ACAP2: variants seen among roughly 807,000 people sequenced by gnomAD.
ACAP2 encodes ArfGAP with coiled-coil, ankyrin repeat and PH domains 2.
A neutral mutation model predicts 115.8 loss-of-function variants in ACAP2; 39 were observed. The observed-to-expected ratio is 0.34, with a 90% CI of 0.26 to 0.44. ACAP2 has a LOEUF of 0.44. Ranked by LOEUF, ACAP2 falls within the 20% of genes least tolerant of loss-of-function variation. The pLI is 1.00. For synonymous variants in ACAP2, 289 were observed against 315.8 expected, an observed-to-expected ratio of 0.92 and a Z score of 0.90; for missense variants, 662 against 927.6, an observed-to-expected ratio of 0.71 and a Z score of 3.72.
At chr3:195,365,988 C>T (rs999446608) in intron 4 of ACAP2, among the ~76,000 whole-genome samples, 9 of 151,918 alleles carry the variant, frequency 5.9e-5, no homozygotes, top group South Asian at 2.1e-4. Context: ...ATTACAGGCA[C>T]GCGCCACCAC....
chr3:195,330,101 T>G (rs1284852871), intron 8 of ACAP2, among the ~76,000 whole-genome samples: 1 of 152,172 alleles, frequency 6.6e-6, no homozygotes, highest in Non-Finnish European at 1.5e-5. Flanking sequence ...CGCTACTGAT[T>G]CATTTAGTCT....
At chr3:195,291,188 C>G (rs1727232154) in intron 20 of ACAP2, among the ~76,000 whole-genome samples, 1 of 152,132 alleles carries the variant, frequency 6.6e-6, no homozygotes, top group Admixed American at 6.6e-5. Flanking sequence ...AATAGAAAGT[C>G]CATTTTCAAG....
chr3:195,317,997 G>T (rs1438721357), intron 10 of ACAP2, among the ~76,000 whole-genome samples: 3 of 152,180 alleles, frequency 2.0e-5, no homozygotes, highest in Non-Finnish European at 4.4e-5. Flanking sequence ...AGGTGACTGG[G>T]TCATGCAGGC....
At chr3:195,367,077 A>G (rs532818343) in intron 4 of ACAP2, among the ~76,000 whole-genome samples, 52 of 149,596 alleles carry the variant, frequency 3.5e-4, no homozygotes, top group African/African-American at 1.3e-3. Flanking sequence ...AAAAACGGCA[A>G]TGGGCTGGAT....
At chr3:195,442,144 A>AT (rs1237257275) in intron 1 of ACAP2, 2 of 152,470 alleles carry the variant, frequency 1.3e-5, no homozygotes, top group African/African-American at 4.8e-5. Flanking sequence ...AAAAGCAGGT[A>AT]GTCACCAACT....
At chr3:195,324,344 C>T (rs914583235) in intron 9 of ACAP2, among the ~76,000 whole-genome samples, 3 of 152,058 alleles carry the variant, frequency 2.0e-5, no homozygotes, top group Non-Finnish European at 2.9e-5. Flanking sequence ...ACAGGATATA[C>T]CACAGAGCAT....
chr3:195,401,478 A>G (rs1712289299), intron 1 of ACAP2, among the ~76,000 whole-genome samples: 3 of 152,168 alleles, frequency 2.0e-5, no homozygotes, highest in Admixed American at 2.0e-4. Flanking sequence ...CAGTCTGACC[A>G]ACGCAGTGAA....
chr3:195,324,136 T>C (rs113299998), intron 9 of ACAP2, among the ~76,000 whole-genome samples: 2 of 151,930 alleles, frequency 1.3e-5, no homozygotes, highest in Admixed American at 1.3e-4. Flanking sequence ...GGTGGGAAAA[T>C]GAGATAAAGA....
chr3:195,282,998 ACGACCTTAC>A (rs1282221022), intron 22 of ACAP2, among the ~76,000 whole-genome samples: 1 of 152,192 alleles, frequency 6.6e-6, no homozygotes, highest in Non-Finnish European at 1.5e-5. Context: ...CATCCTATGC[ACGACCTTAC>A]CCCTTCTGGG....
intron 1 of ACAP2, among the ~76,000 whole-genome samples, chr3:195,431,698 C>T (rs1211798206): frequency 6.6e-6 from 1 of 151,250 alleles, no homozygotes; most frequent in Non-Finnish European, 1.5e-5. Flanking sequence ...ACACTCGTCT[C>T]GGCCTCCCAA....
intron 1 of ACAP2, among the ~76,000 whole-genome samples, chr3:195,396,427 A>T (rs1711780360): frequency 6.6e-6 from 1 of 152,168 alleles, no homozygotes; most frequent in Non-Finnish European, 1.5e-5. Context: ...GTATACATTA[A>T]AATAACTAAA....
At chr3:195,408,847 A>G (rs1195328490) in intron 1 of ACAP2, among the ~76,000 whole-genome samples, 1 of 152,230 alleles carries the variant, frequency 6.6e-6, no homozygotes, top group African/African-American at 2.4e-5. Context: ...AAGGGAAAAA[A>G]ATCCATGATC....
intron 4 of ACAP2, among the ~76,000 whole-genome samples, chr3:195,366,345 C>A (rs1732722633): frequency 6.6e-6 from 1 of 152,166 alleles, no homozygotes; most frequent in South Asian, 2.1e-4. Context: ...ACATTGGTAC[C>A]AAACTGCTCT....
chr3:195,295,447 G>C (rs1727580035), intron 17 of ACAP2: 2 of 548,834 alleles, frequency 3.6e-6, no homozygotes, highest in Non-Finnish European at 6.2e-6. Flanking sequence ...TGAAATGTCA[G>C]GTTTATAATT....
At chr3:195,373,124 T>G (rs1265943833) in intron 4 of ACAP2, among the ~76,000 whole-genome samples, 2 of 151,858 alleles carry the variant, frequency 1.3e-5, no homozygotes, top group African/African-American at 4.8e-5. Flanking sequence ...CTACAAGATG[T>G]AAACTTACAT....
intron 18 of ACAP2, among the ~76,000 whole-genome samples, chr3:195,294,378 G>A (rs564754808): frequency 6.6e-6 from 1 of 151,312 alleles, no homozygotes; most frequent in African/African-American, 2.4e-5. Flanking sequence ...AGGAGTTCGA[G>A]ACCAGCCTGG....
Position 195,381,939 on chromosome 3 carries a change from G to A in ACAP2, c.195C>T (p.Asp65=). Residue 65 remains aspartate (D), a synonymous_variant, in exon 3 of 23, where the codon GAC becomes GAT. Coordinates refer to ENST00000326793, the MANE Select transcript of ACAP2 (RefSeq NM_012287.6). ...ANKQFMNGIR[D]LAQYSSNDAV... is the part of the protein sequence containing the mutation. Reference sequence around the variant, plus strand: ...CATCATTACTAGAATACTGAGCCAGGTCTCGAATCCCATTCATGAACTGTT... The same window carrying A: ...CATCATTACTAGAATACTGAGCCAGATCTCGAATCCCATTCATGAACTGTT... 6.2e-7 allele frequency: 1 copy of A among 1,611,306 alleles called. No individual in the cohort carries two copies. The highest frequency in any genetic ancestry group is 8.5e-7 in the Non-Finnish European group (1 of 1,179,200).
chr3:195,392,014 C>T (rs1734712972), intron 2 of ACAP2, 76 bp downstream of exon 2: 1 of 1,204,322 alleles, frequency 8.3e-7, no homozygotes, highest in South Asian at 1.3e-5. Flanking sequence ...AAAAAGAGAC[C>T]TACTACTGTA....
At chr3:195,395,261 AT>A (rs1230120049) in intron 1 of ACAP2, among the ~76,000 whole-genome samples, 1 of 152,210 alleles carries the variant, frequency 6.6e-6, no homozygotes, top group Non-Finnish European at 1.5e-5. Context: ...ATTTAAAAAA[AT>A]CAAGTTATAT....
Sources: allele counts gnomAD v4.1 joint callset (sites outside exome capture counted in the v4.1 genomes callset), GRCh38; gene constraint gnomAD v4.1.1; transcripts MANE v1.5; gene names NCBI Gene and HGNC (gene_info 2026-07-23, HGNC 2026-07-21).